The following CNTNAP2 variants were observed in gnomAD, a reference collection of about 807,000 sequenced individuals.
CNTNAP2 encodes contactin-associated protein-like 2.
A neutral mutation model predicts 155.2 loss-of-function variants in CNTNAP2; 98 were observed. That is an observed-to-expected ratio of 0.63 (90% CI 0.54 to 0.75). The LOEUF is 0.75. Among genes scored for constraint, CNTNAP2 ranks in the 30% least tolerant of loss-of-function variants. CNTNAP2 has a pLI of 0.00. For synonymous variants in CNTNAP2, 651 were observed against 631.2 expected, an observed-to-expected ratio of 1.03 and a Z score of -0.47; for missense variants, 1,727 against 1,688.1, an observed-to-expected ratio of 1.02 and a Z score of -0.40.
rs185509428 is a variant in CNTNAP2 at position 147,030,198 on chromosome 7, G to A, written c.403-13709G>A. Among the ~76,000 whole-genome samples, 806 of 152,232 alleles carry A rather than the reference G, an allele frequency of 5.3e-3. 10 individuals carry two copies. The highest frequency in any genetic ancestry group is 0.018 in the African/African-American group (741 of 41,522). On this transcript the variant is annotated intron_variant, in intron 3 of 23. Transcript: ENST00000361727. ...CTGAGGTTTGGCATTTTTCCATGGG[G>A]CTACATTGAGGAAAACTGTAATGTA...
At chr7:146,766,769 T>C (rs1293626550) in intron 1 of CNTNAP2, among the ~76,000 whole-genome samples, 2 of 152,310 alleles carry the variant, frequency 1.3e-5, no homozygotes, top group East Asian at 3.9e-4. Flanking sequence ...TGTGGTTTAA[T>C]GATCTCTGCC....
At chr7:148,305,361 A>G (rs1449558531) in intron 21 of CNTNAP2, among the ~76,000 whole-genome samples, 1 of 151,676 alleles carries the variant, frequency 6.6e-6, no homozygotes, top group Non-Finnish European at 1.5e-5. Flanking sequence ...CTCTCTCTCA[A>G]TTTTAAAATC....
At chr7:146,646,439 AAGT>A (rs1799813191) in intron 1 of CNTNAP2, among the ~76,000 whole-genome samples, 2 of 152,208 alleles carry the variant, frequency 1.3e-5, no homozygotes, top group African/African-American at 4.8e-5. Context: ...AAATCTGTAT[AAGT>A]AGTATAATAT....
intron 1 of CNTNAP2, among the ~76,000 whole-genome samples, chr7:146,493,091 C>T (rs536143347): frequency 2.0e-5 from 3 of 152,124 alleles, no homozygotes; most frequent in African/African-American, 2.4e-5. Flanking sequence ...AGGAAGCACA[C>T]GCTTTCTAAC....
At chr7:147,240,347 A>C (rs147438606) in intron 8 of CNTNAP2, among the ~76,000 whole-genome samples, 1 of 152,340 alleles carries the variant, frequency 6.6e-6, no homozygotes, top group Non-Finnish European at 1.5e-5. Context: ...AATGCATAGT[A>C]TTTATTTTAT....
chr7:147,005,641 A>G (rs947497828), intron 3 of CNTNAP2, among the ~76,000 whole-genome samples: 1 of 152,048 alleles, frequency 6.6e-6, no homozygotes, highest in Non-Finnish European at 1.5e-5. Flanking sequence ...CAAGAAAAGT[A>G]TGGTAATCCA....
At chr7:146,630,178 C>T (rs918957713) in intron 1 of CNTNAP2, among the ~76,000 whole-genome samples, 1 of 152,022 alleles carries the variant, frequency 6.6e-6, no homozygotes, top group African/African-American at 2.4e-5. Context: ...GTTCCCCTAC[C>T]TGTGTCCATG....
chr7:147,404,998 A>G (rs1283603781), intron 10 of CNTNAP2, among the ~76,000 whole-genome samples: 1 of 152,256 alleles, frequency 6.6e-6, no homozygotes, highest in Non-Finnish European at 1.5e-5. Flanking sequence ...TTTAAGATTC[A>G]ACAGCAGCTG....
intron 10 of CNTNAP2, among the ~76,000 whole-genome samples, chr7:147,432,401 A>G (rs992292310): frequency 4.6e-5 from 7 of 152,200 alleles, no homozygotes; most frequent in Admixed American, 2.0e-4. Flanking sequence ...TGTGTTTTTT[A>G]AAAAATAGAA....
At position 147,736,117 on chromosome 7, in the gene CNTNAP2, T is replaced by C. The variant is rs1029318088; in HGVS notation, c.2098+96811T>C. The stretch of plus-strand genomic sequence containing the variant: ...AGTTGATGCAGTTTCTTCCTAGCCT[T>C]GATGGTCTTTACAATTTGGCATGTT... On this transcript the variant is annotated intron_variant, in intron 13 of 23. Transcript: ENST00000361727. Among the ~76,000 whole-genome samples, 3 of 151,550 alleles carry C rather than the reference T, an allele frequency of 2.0e-5. No individual in the cohort carries two copies. In the Admixed American group the frequency reaches 2.0e-4, roughly 10 times the overall value.
chr7:147,739,788 AAT>A (rs998262497), intron 13 of CNTNAP2, among the ~76,000 whole-genome samples: 1 of 152,042 alleles, frequency 6.6e-6, no homozygotes, highest in Non-Finnish European at 1.5e-5. Context: ...TCATCAATGA[AAT>A]ATATATATGT....
chr7:148,029,683 A>C (rs948139155), intron 15 of CNTNAP2, among the ~76,000 whole-genome samples: 4 of 152,212 alleles, frequency 2.6e-5, no homozygotes, highest in African/African-American at 9.6e-5. Flanking sequence ...CTGCGAATAT[A>C]ATACCTTGAC....
intron 8 of CNTNAP2, among the ~76,000 whole-genome samples, chr7:147,157,644 C>G (rs1801952381): frequency 6.6e-6 from 1 of 152,026 alleles, no homozygotes; most frequent in South Asian, 2.1e-4. Context: ...AACTCTAGCA[C>G]TAATATAAAC....
intron 3 of CNTNAP2, 52 bp downstream of exon 3, chr7:146,839,956 A>G (rs1441867597): frequency 6.3e-7 from 1 of 1,577,888 alleles, no homozygotes; most frequent in Non-Finnish European, 8.7e-7. Flanking sequence ...GAAATATTAG[A>G]AAATGGTACA....
chr7:148,206,438 T>C (rs1386206970), intron 18 of CNTNAP2, among the ~76,000 whole-genome samples: 1 of 152,070 alleles, frequency 6.6e-6, no homozygotes, highest in Non-Finnish European at 1.5e-5. Flanking sequence ...TTATTCATAC[T>C]ATTTTTACAA....
chr7:147,886,075 TG>T (rs1799594254), intron 13 of CNTNAP2, among the ~76,000 whole-genome samples: 1 of 152,196 alleles, frequency 6.6e-6, no homozygotes, highest in Non-Finnish European at 1.5e-5. Context: ...CTCCTGTTGC[TG>T]CAGCACCCTA....
At chr7:148,048,870 A>G (rs1802827673) in intron 15 of CNTNAP2, among the ~76,000 whole-genome samples, 1 of 152,138 alleles carries the variant, frequency 6.6e-6, no homozygotes. Flanking sequence ...TCTCCCTTAT[A>G]TACTCTTGAG....
In CNTNAP2 at chr7:146,665,783, T is replaced by TAAAA. The variant is rs750837961; in HGVS notation, c.98-108476_98-108473dup. On this transcript the variant is annotated intron_variant, in intron 1 of 23. Transcript: ENST00000361727. ...GCTATGGAGTGAGACTCTGTCTCAT[T>TAAAA]AAAAAAAAAAAAAAATACATTTTGT... Among the ~76,000 whole-genome samples the TAAAA allele has an allele frequency of 2.7e-4, 13 of 48,306 alleles. 1 individual carries two copies. Among genetic ancestry groups the TAAAA allele is most frequent in the East Asian group, 5.9e-4 (1 of 1,690 alleles). The allele number at this position is 48,306 out of a possible 152,430, so 31.7% of individuals were successfully genotyped here.
intron 2 of CNTNAP2, among the ~76,000 whole-genome samples, chr7:146,795,072 G>A (rs910448879): frequency 1.3e-5 from 2 of 152,182 alleles, no homozygotes; most frequent in Non-Finnish European, 1.5e-5. Context: ...AAGAAAAAAC[G>A]CTAATCACAG....
Sources: gnomAD v4.1 joint callset for allele counts (sites outside exome capture counted in the v4.1 genomes callset) on GRCh38, gnomAD v4.1.1 for gene constraint, MANE v1.5 for transcripts, NCBI Gene and HGNC (gene_info 2026-07-23, HGNC 2026-07-21) for gene names.